The following KAZN variants were observed in gnomAD, a reference collection of about 807,000 sequenced individuals.
KAZN encodes the protein kazrin, periplakin interacting protein, also known as kazrin.
KAZN carries 40 observed loss-of-function variants against 87.4 expected under a neutral mutation model. The ratio of observed to expected loss-of-function variants is 0.46; its 90% CI spans 0.36 to 0.60. The LOEUF is 0.60. KAZN is among the 20% of genes least tolerant of loss of function. KAZN has a pLI of 0.00. For missense variants in KAZN, 898 were observed against 1,073.9 expected, an observed-to-expected ratio of 0.84 and a Z score of 2.29; for synonymous variants, 466 against 458.3, an observed-to-expected ratio of 1.02 and a Z score of -0.22.
In KAZN at chr1:14,325,581, T is replaced by C. The variant is rs567784015; in HGVS notation, c.249+144989T>C. 2.0e-5 allele frequency among the ~76,000 whole-genome samples: 3 copies of C among 152,128 alleles called. No homozygotes were observed. The South Asian group carries it at 6.2e-4, about 32-fold the overall frequency. ...GGCAAAAGAATATTCAAAAAAATGG[T>C]CAAAAGTTTCCATATTTGGTAAAAT... On this transcript the variant is annotated intron_variant, in intron 2 of 16. Coordinates refer to the KAZN transcript ENST00000636203.
intron 1 of KAZN, among the ~76,000 whole-genome samples, chr1:14,664,429 C>A (rs1252779495): frequency 2.0e-4 from 31 of 152,118 alleles, no homozygotes; most frequent in Non-Finnish European, 4.4e-5. Flanking sequence ...TGAGACTCTG[C>A]CTCAAAAGGA....
At chr1:14,207,958 G>A (rs1020719719) in intron 2 of KAZN, among the ~76,000 whole-genome samples, 1 of 152,172 alleles carries the variant, frequency 6.6e-6, no homozygotes, top group African/African-American at 2.4e-5. Context: ...GCAACAAGAC[G>A]TTCTATTCTC....
intron 2 of KAZN, among the ~76,000 whole-genome samples, chr1:14,380,176 C>T (rs531468207): frequency 2.2e-4 from 34 of 152,262 alleles, no homozygotes; most frequent in Admixed American, 1.4e-3. Context: ...TTGGGGTGCC[C>T]CCTAATGCAG....
chr1:14,434,696 A>G (rs1666278585), intron 2 of KAZN, among the ~76,000 whole-genome samples: 1 of 152,314 alleles, frequency 6.6e-6, no homozygotes, highest in Middle Eastern at 3.4e-3. Context: ...AACTGGCCTC[A>G]GTCCACGGAG....
At chr1:14,745,285 T>C (rs150377571) in intron 1 of KAZN, among the ~76,000 whole-genome samples, 37 of 137,214 alleles carry the variant, frequency 2.7e-4, no homozygotes, top group African/African-American at 9.4e-4. Flanking sequence ...AAAAGGAAAA[T>C]CACATGCTTT....
chr1:14,092,720 G>T (rs770359349), intron 1 of KAZN, among the ~76,000 whole-genome samples: 1 of 151,762 alleles, frequency 6.6e-6, no homozygotes, highest in Non-Finnish European at 1.5e-5. Context: ...TGCAGAAAAC[G>T]TACCTTTATT....
At chr1:14,770,724 A>G (rs927472925) in intron 1 of KAZN, among the ~76,000 whole-genome samples, 1 of 152,238 alleles carries the variant, frequency 6.6e-6, no homozygotes, top group Admixed American at 6.5e-5. Flanking sequence ...GCCATCATAC[A>G]AAAAGTGGTC....
At chr1:14,845,245 G>A (rs775960639) in intron 1 of KAZN, among the ~76,000 whole-genome samples, 43 of 150,762 alleles carry the variant, frequency 2.9e-4, no homozygotes, top group Non-Finnish European at 5.9e-4. Context: ...ATGGATGGGT[G>A]AGTGGGTGGA....
intron 2 of KAZN, among the ~76,000 whole-genome samples, chr1:14,359,867 C>T (rs895379262): frequency 2.0e-5 from 3 of 152,200 alleles, no homozygotes; most frequent in South Asian, 4.1e-4. Context: ...CTGCACTTAA[C>T]ATTTTTTCCT....
At chr1:14,109,824 T>TGCAGTGG (rs1644462358) in intron 1 of KAZN, among the ~76,000 whole-genome samples, 1 of 151,242 alleles carries the variant, frequency 6.6e-6, no homozygotes, top group Non-Finnish European at 1.5e-5. Flanking sequence ...GATTTCAGCG[T>TGCAGTGG]CAAGTAGGAG....
chr1:14,997,143 C>G (rs1329596092), intron 2 of KAZN, among the ~76,000 whole-genome samples: 2 of 152,152 alleles, frequency 1.3e-5, no homozygotes, highest in African/African-American at 4.8e-5. Flanking sequence ...CCCCTCCCCT[C>G]CAGCGAGTCT....
At chr1:13,932,410 G>A (rs1214921431) in intron 1 of KAZN, among the ~76,000 whole-genome samples, 7 of 151,534 alleles carry the variant, frequency 4.6e-5, no homozygotes, top group Middle Eastern at 3.4e-3. Flanking sequence ...ACAGGCGCCC[G>A]CCACTACGCC....
At chr1:13,896,129 G>T (rs900251635) in intron 1 of KAZN, among the ~76,000 whole-genome samples, 1 of 151,528 alleles carries the variant, frequency 6.6e-6, no homozygotes, top group African/African-American at 2.4e-5. Flanking sequence ...TACCTATGCT[G>T]GTCTAGGGCA....
intron 2 of KAZN, among the ~76,000 whole-genome samples, chr1:14,310,925 A>G (rs1655243156): frequency 6.6e-6 from 1 of 152,204 alleles, no homozygotes; most frequent in Non-Finnish European, 1.5e-5. Flanking sequence ...GCCCACAACA[A>G]TGAACTATGT....
intron 2 of KAZN, among the ~76,000 whole-genome samples, chr1:14,539,730 C>T (rs754189698): frequency 6.6e-6 from 1 of 150,714 alleles, no homozygotes; most frequent in Non-Finnish European, 1.5e-5. Flanking sequence ...AAAAAAAAAA[C>T]GCCAGACGTT....
Position 14,365,380 on chromosome 1 carries a change from G to T in KAZN, c.249+184788G>T, listed in dbSNP as rs28698594. 8.8e-4 allele frequency among the ~76,000 whole-genome samples: 120 copies of T among 135,984 alleles called. 2 individuals are homozygous for T. The highest frequency in any genetic ancestry group is 3.0e-3 in the African/African-American group (109 of 36,716). 89.2% of individuals were successfully genotyped at this position (135,984 alleles called of 152,430 possible). A position where few individuals can be genotyped will look rare whatever the true frequency, so the allele number is the denominator to read the frequency against. On this transcript the variant is annotated intron_variant, in intron 2 of 16. Coordinates refer to the KAZN transcript ENST00000636203. Reference sequence around the variant, plus strand: ...CCTCCCCCCGGGGTGGGGGGGGGGGGGGTCTTTCAAGGTCACCAGCTGTGT... The same window carrying T: ...CCTCCCCCCGGGGTGGGGGGGGGGGTGGTCTTTCAAGGTCACCAGCTGTGT...
At chr1:14,667,934 C>T (rs1639672444) in intron 1 of KAZN, among the ~76,000 whole-genome samples, 1 of 152,148 alleles carries the variant, frequency 6.6e-6, no homozygotes, top group African/African-American at 2.4e-5. Flanking sequence ...CACTTAACAC[C>T]TTAAATCCAT....
chr1:14,564,461 T>C (rs186466970), intron 2 of KAZN, among the ~76,000 whole-genome samples: 1 of 152,060 alleles, frequency 6.6e-6, no homozygotes, highest in Non-Finnish European at 1.5e-5. Flanking sequence ...TATGGGATGA[T>C]AATAGAAGCT....
At chr1:14,538,434 A>G (rs1672622898) in intron 2 of KAZN, among the ~76,000 whole-genome samples, 4 of 152,222 alleles carry the variant, frequency 2.6e-5, no homozygotes, top group African/African-American at 9.6e-5. Flanking sequence ...ATTTTCTTAC[A>G]GTTGTGGAGG....
Sources: gnomAD v4.1 joint callset for allele counts (sites outside exome capture counted in the v4.1 genomes callset) on GRCh38, gnomAD v4.1.1 for gene constraint, MANE v1.5 for transcripts, NCBI Gene and HGNC (gene_info 2026-07-23, HGNC 2026-07-21) for gene names.